The following RERE variants were observed in gnomAD, a reference collection of about 807,000 sequenced individuals.
RERE encodes arginine-glutamic acid dipeptide repeats protein.
Under a neutral mutation model 146.1 loss-of-function variants are expected in RERE, and 40 were observed. The observed-to-expected ratio is 0.27, with a 90% CI of 0.21 to 0.36. The LOEUF (loss-of-function observed/expected upper bound fraction) is 0.36, where lower values mean the gene tolerates loss of function less well. RERE is among the 10% of genes least tolerant of loss of function. The pLI is 1.00. For missense variants in RERE, 1,933 were observed against 2,138.7 expected (o/e 0.90, Z 1.90); for synonymous variants, 1,003 against 866.0 (o/e 1.16, Z -2.78).
At chr1:8,619,493 A>C (rs1646893317) in intron 3 of RERE, among the ~76,000 whole-genome samples, 1 of 152,260 alleles carries the variant, frequency 6.6e-6, no homozygotes, top group South Asian at 2.1e-4. Flanking sequence ...GGAAACCAAA[A>C]GCATGTTTTC....
At chr1:8,487,070 A>C (rs1183501162) in intron 10 of RERE, among the ~76,000 whole-genome samples, 1 of 152,236 alleles carries the variant, frequency 6.6e-6, no homozygotes, top group African/African-American at 2.4e-5. Context: ...TGAATCCAAT[A>C]GTACGTAGTG....
rs542586375 is a variant in RERE, at chr1:8,635,688, G to A, written c.326-11308C>T. Among the ~76,000 whole-genome samples, 16 of 152,264 alleles carry A rather than the reference G, an allele frequency of 1.1e-4. No individual in the cohort carries two copies. The East Asian group carries it at 2.9e-3, about 28-fold the overall frequency. ...TTAAGACTTCCCCATTCTAAACAAA[G>A]TATATGAAAGACCCTTTGTCTTATA... is the stretch of plus-strand genomic sequence containing the variant. On this transcript the variant is annotated intron_variant, in intron 2 of 22. Coordinates refer to ENST00000400908, the MANE Select transcript of RERE (RefSeq NM_001042681.2).
In RERE at chr1:8,364,998, G is replaced by C. The variant is rs1641744835; in HGVS notation, c.1448-160C>G. Among the ~76,000 whole-genome samples the C allele has an allele frequency of 1.3e-5, 2 of 152,202 alleles. No individual in the cohort carries two copies. The highest frequency in any genetic ancestry group is 6.5e-5 in the Admixed American group (1 of 15,284). On this transcript the variant is annotated intron_variant, in intron 13 of 22. Coordinates refer to ENST00000400908, the MANE Select transcript of RERE (RefSeq NM_001042681.2). The surrounding 1 kb of genome is among the most constrained non-coding windows in gnomAD (Gnocchi z 5.1). ...CGGCTGGGTGCACAGGCTGAGGTAG[G>C]ACAGTGTCTGCAAAGGACCACTTCG... is the stretch of plus-strand genomic sequence containing the variant.
chr1:8,729,597 G>C (rs564732431), intron 1 of RERE, among the ~76,000 whole-genome samples: 7 of 152,120 alleles, frequency 4.6e-5, no homozygotes, highest in Admixed American at 3.9e-4. Flanking sequence ...TTGAAACAGA[G>C]ACCATACAAC....
intron 4 of RERE, among the ~76,000 whole-genome samples, chr1:8,575,551 AT>A: frequency 1.5e-5 from 1 of 67,654 alleles, no homozygotes; most frequent in Admixed American, 1.4e-4. Context: ...ATATATATAT[AT>A]ATATATATAT....
At chr1:8,795,345 T>A (rs879335277) in intron 1 of RERE, among the ~76,000 whole-genome samples, 20 of 151,738 alleles carry the variant, frequency 1.3e-4, no homozygotes, top group Non-Finnish European at 2.9e-4. Flanking sequence ...TTTTTCTTTT[T>A]AGGAGACAAA....
At chr1:8,670,714 T>C (rs1490937656) in intron 1 of RERE, among the ~76,000 whole-genome samples, 1 of 152,140 alleles carries the variant, frequency 6.6e-6, no homozygotes, top group Non-Finnish European at 1.5e-5. Flanking sequence ...ATGCCTGGCA[T>C]GTCCAGGCAA....
rs568476387 is a variant in RERE, at chr1:8,723,652, G to A, written c.-144-67211C>T. ...CAAATTAAGCAAGTGCTTAATGTTA[G>A]GTAGAAAAAATATGTCGCTGTGAAA... On this transcript the variant is annotated intron_variant, in intron 1 of 22. Transcript: ENST00000400908. Among the ~76,000 whole-genome samples, 26 of 152,212 alleles carry A rather than the reference G, an allele frequency of 1.7e-4. No homozygotes were observed. The South Asian group carries it at 4.8e-3, about 28-fold the overall frequency.
chr1:8,438,672 G>A (rs1015857694), intron 11 of RERE, among the ~76,000 whole-genome samples: 1 of 152,112 alleles, frequency 6.6e-6, no homozygotes, highest in African/African-American at 2.4e-5. Context: ...GGCTAGCCAT[G>A]AACACTCTCT....
chr1:8,362,672 C>T lies in RERE; in HGVS notation c.1902+11G>A, dbSNP rs1010081994. The T allele has an allele frequency of 6.2e-7, 1 of 1,614,224 alleles. No individual in the cohort carries two copies. Among genetic ancestry groups the T allele is most frequent in the Non-Finnish European group, 8.5e-7 (1 of 1,180,026 alleles). ...GACAGAGTAGGCCCTACTATCCCCC[C>T]AGCACCTGACCTTGGCCGACTTCTT... On this transcript the variant is annotated intron_variant, in intron 16 of 22. Coordinates refer to ENST00000400908, the MANE Select transcript of RERE (RefSeq NM_001042681.2).
At chr1:8,713,614 G>T (rs1332772875) in intron 1 of RERE, among the ~76,000 whole-genome samples, 1 of 151,934 alleles carries the variant, frequency 6.6e-6, no homozygotes, top group Non-Finnish European at 1.5e-5. Flanking sequence ...GGCACCTGTA[G>T]TCCCAGCTAC....
At chr1:8,700,048 T>C (rs1208350851) in intron 1 of RERE, among the ~76,000 whole-genome samples, 2 of 152,242 alleles carry the variant, frequency 1.3e-5, no homozygotes, top group Non-Finnish European at 2.9e-5. Context: ...GGCTCATGCC[T>C]GTAATACCAG....
intron 10 of RERE, among the ~76,000 whole-genome samples, chr1:8,480,642 GC>G (rs1644822742): frequency 6.6e-6 from 1 of 151,094 alleles, no homozygotes; most frequent in African/African-American, 2.4e-5. Flanking sequence ...CACCATATTG[GC>G]CAGGCTGGTC....
At chr1:8,694,944 A>C (rs1325975682) in intron 1 of RERE, among the ~76,000 whole-genome samples, 1 of 133,340 alleles carries the variant, frequency 7.5e-6, no homozygotes, top group Admixed American at 8.2e-5. Flanking sequence ...GAAACCAAAA[A>C]AAGTACCCAA....
chr1:8,759,205 G>T (rs1640704556), intron 1 of RERE, among the ~76,000 whole-genome samples: 1 of 152,158 alleles, frequency 6.6e-6, no homozygotes, highest in Non-Finnish European at 1.5e-5. Context: ...TTAGAAAAAT[G>T]AAAAATTCCT....
intron 1 of RERE, among the ~76,000 whole-genome samples, chr1:8,722,861 T>C (rs561126188): frequency 1.3e-5 from 2 of 152,296 alleles, no homozygotes; most frequent in South Asian, 4.1e-4. Context: ...TACCCACCGA[T>C]GGTCCTGGAA....
At chr1:8,721,831 C>G (rs1247464627) in intron 1 of RERE, among the ~76,000 whole-genome samples, 1 of 152,164 alleles carries the variant, frequency 6.6e-6, no homozygotes, top group African/African-American at 2.4e-5. Flanking sequence ...AAACTCAAAA[C>G]TAAATCATCT....
chr1:8,539,858 C>T (rs1181995583), intron 7 of RERE, among the ~76,000 whole-genome samples: 1 of 152,036 alleles, frequency 6.6e-6, no homozygotes, highest in East Asian at 1.9e-4. Flanking sequence ...CAGACAGATA[C>T]ACTAATGCGA....
rs1001208723 is a variant in RERE at position 8,702,636 on chromosome 1, TCCA to T, written c.-144-46198_-144-46196del. ...TCATTTTATTTTTAAACTTGTTTAT[TCCA>T]CAGTAAAGCAATGAAGTTTCTGATC... On this transcript the variant is annotated intron_variant, in intron 1 of 22. Coordinates refer to ENST00000400908, the MANE Select transcript of RERE (RefSeq NM_001042681.2). Among the ~76,000 whole-genome samples the T allele has an allele frequency of 3.7e-4, 57 of 152,340 alleles. 1 individual carries two copies. Among genetic ancestry groups the T allele is most frequent in the Admixed American group, 3.3e-3 (51 of 15,304 alleles).
Sources: gnomAD v4.1 joint callset for allele counts (sites outside exome capture counted in the v4.1 genomes callset) on GRCh38, gnomAD v4.1.1 for gene constraint, Gnocchi (gnomAD v3.1) non-coding constraint, MANE v1.5 for transcripts, NCBI Gene and HGNC (gene_info 2026-07-23, HGNC 2026-07-21) for gene names.